The following GTF2H1 variants were observed in gnomAD, a reference collection of about 807,000 sequenced individuals.
The protein encoded by GTF2H1 is BTF2 p62.
In GTF2H1, 16 loss-of-function variants were observed where a neutral mutation model predicts 71.2. The ratio of observed to expected loss-of-function variants is 0.22; its 90% CI spans 0.15 to 0.34. GTF2H1 has a LOEUF of 0.34. Ranked by LOEUF, GTF2H1 falls within the 10% of genes least tolerant of loss-of-function variation. The probability of loss-of-function intolerance (pLI) is 1.00; values close to 1 mark genes in which losing one functional copy is unlikely to be tolerated. For missense variants in GTF2H1, 498 were observed against 648.2 expected (o/e 0.77, Z 2.52); for synonymous variants, 215 against 219.0 (o/e 0.98, Z 0.16).
Position 18,333,242 on chromosome 11 carries a change from A to T in GTF2H1, c.154+14A>T. ...CAGATATTAAATGTAAGTCAGCTAT[A>T]CTAAGTTCTGATGTATTTGTATGTC... On this transcript the variant is annotated intron_variant, in intron 2 of 14. Transcript: ENST00000265963. The T allele has an allele frequency of 6.3e-7, 1 of 1,590,602 alleles. No individual in the cohort carries two copies.
chr11:18,360,519 A>G, intron 13 of GTF2H1, 96 bp from the exon 14 acceptor site: 1 of 600,338 alleles, frequency 1.7e-6, no homozygotes, highest in Non-Finnish European at 2.9e-6. Context: ...AAAAAATTCT[A>G]CAAGAAAAGT....
At chr11:18,357,565 T>A (rs1865585764) in intron 11 of GTF2H1, among the ~76,000 whole-genome samples, 1 of 152,122 alleles carries the variant, frequency 6.6e-6, no homozygotes, top group Non-Finnish European at 1.5e-5. Flanking sequence ...AAAAATAAAT[T>A]TAACAGAAAC....
intron 5 of GTF2H1, among the ~76,000 whole-genome samples, chr11:18,341,033 T>G (rs1865145364): frequency 6.6e-6 from 1 of 152,204 alleles, no homozygotes; most frequent in South Asian, 2.1e-4. Context: ...AAAACCTTAT[T>G]CTTTTGGTGC....
At position 18,347,685 on chromosome 11, in the gene GTF2H1, C is replaced by T. The variant is rs1305642255; in HGVS notation, c.935C>T (p.Ala312Val). 1.9e-6 allele frequency: 3 copies of T among 1,613,462 alleles called. No homozygotes were observed. Among genetic ancestry groups the T allele is most frequent in the South Asian group, 2.2e-5 (2 of 91,062 alleles). Residue 312 changes from alanine to valine, a missense_variant, in exon 8 of 15, where the codon GCC becomes GTC. Transcript: ENST00000265963. Reference protein sequence around the residue: ...AIIKRFNHHSAMVLAAGLRKQ... With the variant: ...AIIKRFNHHSVMVLAAGLRKQ... Reference sequence around the variant, plus strand: ...ATCAAGAGATTTAACCATCACAGTGCCATGGTCCTGGCAGCTGGACTCAGA... The same window carrying T: ...ATCAAGAGATTTAACCATCACAGTGTCATGGTCCTGGCAGCTGGACTCAGA...
chr11:18,339,212 C>CA (rs1293716429), intron 4 of GTF2H1, among the ~76,000 whole-genome samples: 6 of 152,156 alleles, frequency 3.9e-5, no homozygotes, highest in Non-Finnish European at 8.8e-5. Flanking sequence ...CCAAAGAAGT[C>CA]AGTCAGTTAA....
chr11:18,332,955 C>T, intron 1 of GTF2H1, 105 bp from the exon 2 acceptor site: 1 of 680,644 alleles, frequency 1.5e-6, no homozygotes, highest in Non-Finnish European at 2.3e-6. Context: ...CGTTAATTTC[C>T]TACAGTTTAG....
rs571408609 is a variant in GTF2H1, at chr11:18,360,841, T to C, written c.1560+134T>C. On this transcript the variant is annotated intron_variant, in intron 14 of 14. Coordinates refer to ENST00000265963, the MANE Select transcript of GTF2H1 (RefSeq NM_005316.4). ...TTTTTTTTGAAACGGAGTCTCACTC[T>C]GTCGCCCAGGCTGGAGTACAGTGGC... 2.2e-4 allele frequency: 128 copies of C among 571,484 alleles called. 1 individual carries two copies. Among genetic ancestry groups the C allele is most frequent in the African/African-American group, 1.8e-3 (91 of 49,990 alleles). 35.4% of individuals were successfully genotyped at this position (571,484 alleles called of 1,614,324 possible). A position where few individuals can be genotyped will look rare whatever the true frequency, so the allele number is the denominator to read the frequency against.
At chr11:18,365,035 G>T (rs187424927) in intron 14 of GTF2H1, among the ~76,000 whole-genome samples, 4 of 146,978 alleles carry the variant, frequency 2.7e-5, no homozygotes, top group Non-Finnish European at 5.9e-5. Flanking sequence ...TTCGAGACCA[G>T]CCTGGGCAGC....
At chr11:18,352,556 A>G (rs1356767098) in intron 11 of GTF2H1, 110 bp downstream of exon 11, 1 of 546,316 alleles carries the variant, frequency 1.8e-6, no homozygotes, top group Non-Finnish European at 3.3e-6. Flanking sequence ...GCTTAAAGAC[A>G]TAGTTCTGCT....
intron 14 of GTF2H1, among the ~76,000 whole-genome samples, chr11:18,363,893 T>C (rs1412254128): frequency 6.6e-6 from 1 of 151,950 alleles, no homozygotes; most frequent in Non-Finnish European, 1.5e-5. Context: ...GCCAACACAG[T>C]GAAACCCCAT....
Position 18,366,053 on chromosome 11 carries a change from A to G in GTF2H1, c.*184A>G. The G allele has an allele frequency of 1.7e-6, 1 of 588,504 alleles. No homozygotes were observed. 36.5% of individuals were successfully genotyped at this position (588,504 alleles called of 1,614,324 possible). On this transcript the variant is annotated 3_prime_UTR_variant, in exon 15 of 15. Coordinates refer to ENST00000265963, the MANE Select transcript of GTF2H1 (RefSeq NM_005316.4). Reference sequence around the variant, plus strand: ...ATTGGAGACTGAAAGGAAAGAAGGGACTAAATGCTGGGGAGGTAAATTAAG... The same window carrying G: ...ATTGGAGACTGAAAGGAAAGAAGGGGCTAAATGCTGGGGAGGTAAATTAAG...
At chr11:18,334,526 TACAC>T (rs550599289) in intron 2 of GTF2H1, among the ~76,000 whole-genome samples, 158 of 152,338 alleles carry the variant, frequency 1.0e-3, no homozygotes, top group Non-Finnish European at 1.7e-3. Context: ...CTTTGTGTAA[TACAC>T]ACGCACATTG....
intron 7 of GTF2H1, among the ~76,000 whole-genome samples, chr11:18,343,124 G>T (rs1865201664): frequency 6.6e-6 from 1 of 152,134 alleles, no homozygotes; most frequent in African/African-American, 2.4e-5. Flanking sequence ...GTTTCATCAT[G>T]TTGGCCGGGC....
intron 14 of GTF2H1, among the ~76,000 whole-genome samples, chr11:18,361,825 C>T (rs992535396): frequency 1.3e-5 from 2 of 152,334 alleles, no homozygotes; most frequent in African/African-American, 4.8e-5. Context: ...TTCTATTTGG[C>T]ATCAGCTTCC....
intron 1 of GTF2H1, among the ~76,000 whole-genome samples, chr11:18,323,427 G>T (rs553299432): frequency 6.6e-6 from 1 of 151,998 alleles, no homozygotes; most frequent in Admixed American, 6.6e-5. Context: ...CTCCCAAAGC[G>T]CCAGAATTAT....
rs1449541218 is a variant in GTF2H1, at chr11:18,329,167, G to A, written c.-15-3893G>A. ...TTAAAAATGAGGAAAATTGATGTTA[G>A]GGTTGTGACATGGAATTTTTTAAAT... On this transcript the variant is annotated intron_variant, in intron 1 of 14. Transcript: ENST00000265963. 4.9e-5 allele frequency among the ~76,000 whole-genome samples: 4 copies of A among 80,828 alleles called. No homozygotes were observed. The East Asian group carries it at 9.7e-3, about 196-fold the overall frequency. The allele number at this position is 80,828 out of a possible 152,430, so 53.0% of individuals were successfully genotyped here.
In GTF2H1 at chr11:18,330,571, T is replaced by G. The variant is rs545252990; in HGVS notation, c.-15-2489T>G. Among the ~76,000 whole-genome samples the G allele has an allele frequency of 2.0e-5, 3 of 152,272 alleles. No individual in the cohort carries two copies. In the South Asian group the frequency reaches 6.2e-4, roughly 32 times the overall value. ...GGTGATAAGTGGGGCACAGGAAGATTGTGAATTATTTGCACGGGAGGGCTA... is the reference window on the plus strand; with the variant it reads ...GGTGATAAGTGGGGCACAGGAAGATGGTGAATTATTTGCACGGGAGGGCTA... On this transcript the variant is annotated intron_variant, in intron 1 of 14. Coordinates refer to ENST00000265963, the MANE Select transcript of GTF2H1 (RefSeq NM_005316.4).
chr11:18,336,798 A>G (rs1336323259), intron 3 of GTF2H1, among the ~76,000 whole-genome samples: 1 of 149,732 alleles, frequency 6.7e-6, no homozygotes, highest in African/African-American at 2.5e-5. Context: ...TCTGTTGCCC[A>G]GGCTGGAGTG....
rs1865332832 is a variant in GTF2H1, at chr11:18,347,817, C to T, written c.966-15C>T. ...TGGTTTTTAACGTTAACTTTTTTTT[C>T]CCCTTTATTTTAAGAGAAGCACAAA... On this transcript the variant is annotated splice_polypyrimidine_tract_variant and intron_variant, in intron 8 of 14. Transcript: ENST00000265963. 1 of 1,588,496 alleles carries T rather than the reference C, an allele frequency of 6.3e-7. No homozygotes were observed. Among genetic ancestry groups the T allele is most frequent in the Non-Finnish European group, 8.6e-7 (1 of 1,167,554 alleles).
Sources: allele counts gnomAD v4.1 joint callset (sites outside exome capture counted in the v4.1 genomes callset), GRCh38; gene constraint gnomAD v4.1.1; transcripts MANE v1.5; gene names NCBI Gene and HGNC (gene_info 2026-07-23, HGNC 2026-07-21).